Variants in CNTLN observed in about 807,000 individuals in gnomAD.
The protein encoded by CNTLN is centlein, centrosomal protein.
In CNTLN, 212 loss-of-function variants were observed where a neutral mutation model predicts 180.0. The ratio of observed to expected loss-of-function variants is 1.18; its 90% confidence interval spans 1.05 to 1.32. CNTLN has a LOEUF of 1.32. Ranked by LOEUF, CNTLN falls within the 40% of genes most tolerant of loss-of-function variation. The probability of loss-of-function intolerance (pLI) is 0.00; values close to 1 mark genes in which losing one functional copy is unlikely to be tolerated. For missense variants in CNTLN, 2,095 were observed against 1,610.9 expected (o/e 1.30, Z -5.14); for synonymous variants, 722 against 563.1 (o/e 1.28, Z -3.99).
chr9:17,492,620 C>T (rs1366874660), intron 25 of CNTLN, among the ~76,000 whole-genome samples: 2 of 152,124 alleles, frequency 1.3e-5, no homozygotes, highest in East Asian at 3.8e-4. Context: ...AAATTGTACA[C>T]TTGTATGTTG....
At chr9:17,276,859 G>T (rs1331480348) in intron 6 of CNTLN, among the ~76,000 whole-genome samples, 2 of 151,888 alleles carry the variant, frequency 1.3e-5, no homozygotes, top group African/African-American at 4.8e-5. Context: ...TTGTTTTGTT[G>T]TTATATTTTT....
At chr9:17,205,608 T>C (rs886551312) in intron 2 of CNTLN, among the ~76,000 whole-genome samples, 2 of 152,214 alleles carry the variant, frequency 1.3e-5, no homozygotes, top group Admixed American at 6.5e-5. Context: ...GAACTAGTAG[T>C]GGTCCTCTGA....
chr9:17,447,764 T>G (rs561882857), intron 18 of CNTLN: 2 of 154,086 alleles, frequency 1.3e-5, no homozygotes, highest in Non-Finnish European at 2.9e-5. Context: ...GACCATGGCA[T>G]GTGAAAGACA....
At chr9:17,206,925 A>C (rs1039727253) in intron 2 of CNTLN, among the ~76,000 whole-genome samples, 2 of 152,244 alleles carry the variant, frequency 1.3e-5, no homozygotes, top group Non-Finnish European at 2.9e-5. Context: ...CATGCCAAAC[A>C]GCTTGTTAAA....
chr9:17,490,179 G>C (rs1833081305), intron 25 of CNTLN, among the ~76,000 whole-genome samples: 1 of 152,096 alleles, frequency 6.6e-6, no homozygotes, highest in South Asian at 2.1e-4. Flanking sequence ...TTAGAAAGAT[G>C]CTGAAGGCCA....
At chr9:17,152,703 C>T (rs1296132920) in intron 2 of CNTLN, among the ~76,000 whole-genome samples, 2 of 152,120 alleles carry the variant, frequency 1.3e-5, no homozygotes, top group African/African-American at 2.4e-5. Flanking sequence ...GAGTTCAACT[C>T]CTGAATATCC....
intron 6 of CNTLN, among the ~76,000 whole-genome samples, chr9:17,292,686 G>T (rs1167486603): frequency 6.6e-6 from 1 of 152,010 alleles, no homozygotes; most frequent in African/African-American, 2.4e-5. Context: ...AATTATTCTG[G>T]TTAACAGCTC....
At chr9:17,366,826 C>A in intron 13 of CNTLN, 109 bp downstream of exon 13, 1 of 639,892 alleles carries the variant, frequency 1.6e-6, no homozygotes, top group Non-Finnish European at 2.7e-6. Context: ...GTTTCTTTTC[C>A]AACACTTTAT....
chr9:17,217,710 T>C (rs1823856653), intron 2 of CNTLN, among the ~76,000 whole-genome samples: 1 of 152,222 alleles, frequency 6.6e-6, no homozygotes, highest in Admixed American at 6.5e-5. Flanking sequence ...AAAAGGCATA[T>C]AATACACAAT....
intron 5 of CNTLN, among the ~76,000 whole-genome samples, chr9:17,250,172 A>T (rs6475125): frequency 3.3e-5 from 5 of 151,440 alleles, no homozygotes; most frequent in Non-Finnish European, 7.4e-5. Flanking sequence ...TGATATGATT[A>T]TGTCTACCCC....
In CNTLN at chr9:17,395,075, G is replaced by A; in HGVS notation, c.2615+6G>A. 6.3e-7 allele frequency: 1 copy of A among 1,598,280 alleles called. No individual in the cohort carries two copies. The highest frequency in any genetic ancestry group is 1.1e-5 in the South Asian group (1 of 88,948). On this transcript the variant is annotated splice_donor_region_variant and intron_variant, in intron 15 of 25. Coordinates refer to ENST00000380647, the MANE Select transcript of CNTLN (RefSeq NM_017738.4). ...GAGGATGTGAGTGAAAGCAGGTAAGGCTCTCATTAACTTAGCTCTGTGGTG... is the reference window on the plus strand; with the variant it reads ...GAGGATGTGAGTGAAAGCAGGTAAGACTCTCATTAACTTAGCTCTGTGGTG...
In CNTLN at chr9:17,298,529, T is replaced by G; in HGVS notation, c.1146+177T>G. 2.3e-6 allele frequency: 3 copies of G among 1,303,302 alleles called. No homozygotes were observed. The South Asian group carries it at 6.4e-5, about 28-fold the overall frequency. The allele number at this position is 1,303,302 out of a possible 1,614,324, so 80.7% of individuals were successfully genotyped here. On this transcript the variant is annotated intron_variant, in intron 7 of 25. Transcript: ENST00000380647. ...TGATAACATTTAAAATTTTTTGAAT[T>G]TTCTTTATGGTAATTAGAGCTGAAT...
intron 15 of CNTLN, among the ~76,000 whole-genome samples, chr9:17,399,956 G>T (rs893662573): frequency 1.3e-5 from 2 of 151,990 alleles, no homozygotes; most frequent in African/African-American, 4.8e-5. Context: ...ATCAAACCTC[G>T]CATGTAACCG....
chr9:17,225,469 TTTTA>T (rs1462306352), intron 2 of CNTLN, among the ~76,000 whole-genome samples: 2 of 152,052 alleles, frequency 1.3e-5, no homozygotes, highest in African/African-American at 4.8e-5. Context: ...ATACCATGTA[TTTTA>T]TTTGTGACCT....
intron 18 of CNTLN, among the ~76,000 whole-genome samples, chr9:17,419,462 C>A (rs996578771): frequency 3.3e-5 from 5 of 152,020 alleles, no homozygotes; most frequent in Admixed American, 6.5e-5. Flanking sequence ...CTTCAGAGCT[C>A]CCTTTTAATA....
intron 10 of CNTLN, among the ~76,000 whole-genome samples, chr9:17,334,430 C>T (rs1203078843): frequency 1.3e-5 from 2 of 151,822 alleles, no homozygotes; most frequent in Non-Finnish European, 2.9e-5. Flanking sequence ...TACACACACA[C>T]ACACACACAC....
At chr9:17,208,610 G>C (rs1823082065) in intron 2 of CNTLN, among the ~76,000 whole-genome samples, 1 of 152,098 alleles carries the variant, frequency 6.6e-6, no homozygotes, top group Non-Finnish European at 1.5e-5. Context: ...TTCTGTGCTG[G>C]AAGACTTTTT....
rs748589350 is a variant in CNTLN, at chr9:17,466,766, A to T, written c.3730A>T (p.Ile1244Phe). 9 of 1,610,900 alleles carry T rather than the reference A, an allele frequency of 5.6e-6. No homozygotes were observed. The East Asian group carries it at 1.8e-4, about 32-fold the overall frequency. ...ISETESAMAE[I>F]ETAASKQLQE... ...TGAGACTGAATCTGCAATGGCAGAA[A>T]TTGAAACAGCAGCATCTAAGCAGCT... The change falls in exon 23 of 26, where the codon ATT becomes TTT. Residue 1244 changes from isoleucine (I) to phenylalanine (F), a missense_variant. Ile to Phe is a conservative substitution (Grantham distance 21, BLOSUM62 0). Coordinates refer to ENST00000380647, the MANE Select transcript of CNTLN (RefSeq NM_017738.4).
chr9:17,188,184 G>A (rs4961531), intron 2 of CNTLN, among the ~76,000 whole-genome samples: 48,209 of 151,710 alleles, frequency 0.32, 9,679 homozygotes, highest in African/African-American at 0.56. Flanking sequence ...AGATTTTTAA[G>A]AAGAATTCTG....
Sources: gnomAD v4.1 joint callset for allele counts (sites outside exome capture counted in the v4.1 genomes callset) on GRCh38, gnomAD v4.1.1 for gene constraint, MANE v1.5 for transcripts, NCBI Gene and HGNC (gene_info 2026-07-23, HGNC 2026-07-21) for gene names.